SHC3: variants seen among roughly 807,000 people sequenced by gnomAD.
SHC3 encodes the protein SHC-transforming protein 3.
SHC3 carries 15 observed loss-of-function variants against 60.4 expected under a neutral mutation model. The observed-to-expected ratio is 0.25, with a 90% confidence interval of 0.17 to 0.38. SHC3 has a LOEUF of 0.38. Ranked by LOEUF, SHC3 falls within the 10% of genes least tolerant of loss-of-function variation. The pLI, the probability that SHC3 is intolerant of heterozygous loss-of-function variation, is 1.00. For missense variants in SHC3, 677 were observed against 786.1 expected, an observed-to-expected ratio of 0.86 and a Z score of 1.66; for synonymous variants, 294 against 325.9, an observed-to-expected ratio of 0.90 and a Z score of 1.05.
intron 1 of SHC3, among the ~76,000 whole-genome samples, chr9:89,170,280 C>T (rs1185769417): frequency 6.6e-6 from 1 of 152,226 alleles, no homozygotes; most frequent in Non-Finnish European, 1.5e-5. Context: ...ATAGCTCATG[C>T]AGTCAAAATC....
chr9:89,077,345 C>T (rs760012796), intron 3 of SHC3, among the ~76,000 whole-genome samples: 1 of 152,116 alleles, frequency 6.6e-6, no homozygotes, highest in African/African-American at 2.4e-5. Context: ...TATCTCTTCC[C>T]GACTCTGTTT....
In SHC3 at chr9:89,010,758, T is replaced by C. The variant is rs1368955962; in HGVS notation, c.*2689A>G. On this transcript the variant is annotated 3_prime_UTR_variant, in exon 12 of 12. Transcript: ENST00000375835. ...CAGGCAGAGATGTGGCCTGAGAAAG[T>C]GTGGGGAAGAGGGGCCCAGGCTAGA... 1.3e-5 allele frequency: 2 copies of C among 152,514 alleles called. No homozygotes were observed. Among genetic ancestry groups the C allele is most frequent in the Non-Finnish European group, 2.9e-5 (2 of 68,328 alleles). The allele number at this position is 152,514 out of a possible 1,614,324, so 9.4% of individuals were successfully genotyped here. A position where few individuals can be genotyped will look rare whatever the true frequency, so the allele number is the denominator to read the frequency against.
chr9:89,095,953 C>G (rs1215733209), intron 2 of SHC3, among the ~76,000 whole-genome samples: 1 of 152,104 alleles, frequency 6.6e-6, no homozygotes, highest in Non-Finnish European at 1.5e-5. Flanking sequence ...GTGGGACACC[C>G]GAGGCAGCAT....
At chr9:89,074,821 G>A (rs571985717) in intron 4 of SHC3, among the ~76,000 whole-genome samples, 65 of 150,756 alleles carry the variant, frequency 4.3e-4, no homozygotes, top group Middle Eastern at 3.5e-3. Context: ...TAAGGGCAAG[G>A]ACATTAAGAA....
chr9:89,175,029 G>A (rs773269549), intron 1 of SHC3, among the ~76,000 whole-genome samples: 9 of 152,236 alleles, frequency 5.9e-5, no homozygotes, highest in Non-Finnish European at 1.3e-4. Context: ...GGGCAGCACC[G>A]TAATCAATAC....
At chr9:89,080,945 T>A (rs1372817725) in intron 2 of SHC3, among the ~76,000 whole-genome samples, 1 of 151,980 alleles carries the variant, frequency 6.6e-6, no homozygotes, top group Non-Finnish European at 1.5e-5. Flanking sequence ...TTTTTGTATT[T>A]TTAGTAGACA....
Position 89,038,183 on chromosome 9 carries a change from T to C in SHC3, c.1466A>G (p.Lys489Arg). Residue 489 changes from lysine (K) to arginine (R), a missense_variant, in exon 11 of 12, where the codon AAG becomes AGG. Physicochemically the swap from Lys to Arg is conservative, Grantham distance 26. Transcript: ENST00000375835. Reference protein sequence around the residue: ...SPVSPRAPDAKMLEELQAETW... With the variant: ...SPVSPRAPDARMLEELQAETW... The stretch of plus-strand genomic sequence containing the variant: ...CTCGGCTTGCAGTTCCTCCAGCATC[T>C]TGGCATCTGGGGCTCTAGGTGACAC... The C allele has an allele frequency of 6.2e-7, 1 of 1,614,052 alleles. No homozygotes were observed. The highest frequency in any genetic ancestry group is 8.5e-7 in the Non-Finnish European group (1 of 1,180,006).
intron 2 of SHC3, among the ~76,000 whole-genome samples, chr9:89,083,206 C>T (rs1356929011): frequency 6.6e-6 from 1 of 152,162 alleles, no homozygotes; most frequent in Non-Finnish European, 1.5e-5. Context: ...CACAGTCACA[C>T]GTGTACTATG....
At chr9:89,028,915 AAT>A (rs1282780468) in intron 11 of SHC3, among the ~76,000 whole-genome samples, 4 of 147,760 alleles carry the variant, frequency 2.7e-5, no homozygotes, top group African/African-American at 9.8e-5. Flanking sequence ...TATATCTATT[AAT>A]ATAAGTTTTT....
intron 6 of SHC3, among the ~76,000 whole-genome samples, chr9:89,060,666 A>T (rs1003007237): frequency 6.6e-6 from 1 of 151,632 alleles, no homozygotes; most frequent in African/African-American, 2.4e-5. Flanking sequence ...GTGTTGGGGG[A>T]ATGGGACATT....
At chr9:89,130,331 C>T (rs1381941653) in intron 1 of SHC3, among the ~76,000 whole-genome samples, 3 of 152,068 alleles carry the variant, frequency 2.0e-5, no homozygotes, top group Non-Finnish European at 4.4e-5. Context: ...CTTTAACACC[C>T]CACTGTTAAC....
chr9:89,122,668 G>A (rs1393464597), intron 1 of SHC3, among the ~76,000 whole-genome samples: 3 of 152,160 alleles, frequency 2.0e-5, no homozygotes, highest in Non-Finnish European at 4.4e-5. Flanking sequence ...CACGGAGTCA[G>A]CCAGATTCAT....
chr9:89,051,856 A>C (rs1387096238), intron 7 of SHC3, among the ~76,000 whole-genome samples, 181 bp downstream of exon 7: 1 of 152,190 alleles, frequency 6.6e-6, no homozygotes, highest in Admixed American at 6.5e-5. Context: ...CATCATCCAT[A>C]TGTTGGCTTC....
intron 1 of SHC3, among the ~76,000 whole-genome samples, chr9:89,152,632 T>C (rs371392223): frequency 4.6e-5 from 7 of 152,234 alleles, no homozygotes; most frequent in African/African-American, 9.6e-5. Flanking sequence ...GATATTGGCA[T>C]TGGAATAATG....
chr9:89,178,373 C>G lies in SHC3; in HGVS notation c.88G>C (p.Gly30Arg). 1 of 1,585,606 alleles carries G rather than the reference C, an allele frequency of 6.3e-7. No homozygotes were observed. Among genetic ancestry groups the G allele is most frequent in the Non-Finnish European group, 8.6e-7 (1 of 1,168,126 alleles). The part of the protein sequence containing the change: ...DLLHSLSVSG[G>R]GGKVSAARAT... Reference sequence around the variant, plus strand: ...CGCGCCGCCGAAACCTTGCCTCCGCCGCCGCTCACCGACAGGCTGTGGAGA... The same window carrying G: ...CGCGCCGCCGAAACCTTGCCTCCGCGGCCGCTCACCGACAGGCTGTGGAGA... The change falls in exon 1 of 12, where the codon GGC becomes CGC. Residue 30 changes from glycine to arginine, a missense_variant. Gly to Arg is a moderately radical substitution (Grantham distance 125). Transcript: ENST00000375835. This position sits in a 1 kb window ranked among gnomAD's most constrained non-coding sequence, Gnocchi z 6.9.
At chr9:89,028,359 C>T (rs1826354973) in intron 11 of SHC3, among the ~76,000 whole-genome samples, 1 of 151,880 alleles carries the variant, frequency 6.6e-6, no homozygotes. Context: ...GAATGCCAGA[C>T]ATCTTAAAAA....
chr9:89,056,046 C>T (rs781225572), intron 6 of SHC3, among the ~76,000 whole-genome samples: 3 of 152,214 alleles, frequency 2.0e-5, no homozygotes, highest in Non-Finnish European at 4.4e-5. Context: ...GACACAACCA[C>T]ATTAGGTGTG....
intron 2 of SHC3, among the ~76,000 whole-genome samples, chr9:89,103,393 G>A (rs755203430): frequency 7.2e-5 from 11 of 152,154 alleles, no homozygotes; most frequent in South Asian, 4.1e-4. Flanking sequence ...GATGGGAGCC[G>A]AGCCTGACCC....
chr9:89,024,585 G>A (rs1174744343), intron 11 of SHC3, among the ~76,000 whole-genome samples: 1 of 152,244 alleles, frequency 6.6e-6, no homozygotes, highest in Non-Finnish European at 1.5e-5. Flanking sequence ...CTGTAAGATG[G>A]CTATCGCGAG....
Sources: gnomAD v4.1 joint callset for allele counts (sites outside exome capture counted in the v4.1 genomes callset) on GRCh38, gnomAD v4.1.1 for gene constraint, Gnocchi (gnomAD v3.1) non-coding constraint, MANE v1.5 for transcripts, NCBI Gene and HGNC (gene_info 2026-07-23, HGNC 2026-07-21) for gene names.